Variants in OR14A2 observed in about 807,000 individuals in gnomAD.
The protein encoded by OR14A2 is olfactory receptor 14A2.
For missense variants in OR14A2, 237 were observed against 152.9 expected, an observed-to-expected ratio of 1.55 and a Z score of -2.90; for synonymous variants, 114 against 58.6, an observed-to-expected ratio of 1.95 and a Z score of -4.32.
At chr1:247,738,597 C>T in the OR14A2 span, 7 of 761,036 alleles carry the variant, frequency 9.2e-6, no homozygotes, top group African/African-American at 5.2e-5. Context: ...CTCCATAGGG[C>T]GCTTATAATT....
chr1:247,723,386 A>G (rs1360815126), exon 1 of OR14A2: 1 of 717,626 alleles, frequency 1.4e-6, no homozygotes, highest in Non-Finnish European at 2.6e-6. Context: ...ACAGTGGAGA[A>G]GATATAAATG....
chr1:247,740,299 C>T, the OR14A2 span, among the ~76,000 whole-genome samples: 1 of 152,046 alleles, frequency 6.6e-6, no homozygotes, highest in African/African-American at 2.4e-5. Context: ...TTCTTTATAG[C>T]TTCTGATTTT....
the OR14A2 span, among the ~76,000 whole-genome samples, chr1:247,729,977 CTTCA>C: frequency 6.6e-6 from 1 of 151,966 alleles, no homozygotes; most frequent in Non-Finnish European, 1.5e-5. Flanking sequence ...TGGAAACTGC[CTTCA>C]TTATCATTAT....
At chr1:247,728,429 T>C (rs994965424), upstream of OR14A2, among the ~76,000 whole-genome samples, 2 of 151,966 alleles carry the variant, frequency 1.3e-5, no homozygotes. Context: ...TATTTCAAAA[T>C]AATAAGAGCT....
chr1:247,731,072 T>C, the OR14A2 span, among the ~76,000 whole-genome samples: 1 of 152,162 alleles, frequency 6.6e-6, no homozygotes, highest in Non-Finnish European at 1.5e-5. Flanking sequence ...CTTTTTTTAG[T>C]ATTTCAGTAT....
At chr1:247,743,991 G>T in the OR14A2 span, among the ~76,000 whole-genome samples, 623 of 151,948 alleles carry the variant, frequency 4.1e-3, 3 homozygotes, top group African/African-American at 0.014. Context: ...TTTTGCACCC[G>T]GGGTAAAGTA....
the OR14A2 span, among the ~76,000 whole-genome samples, chr1:247,734,902 A>C: frequency 6.6e-6 from 1 of 152,218 alleles, no homozygotes; most frequent in African/African-American, 2.4e-5. Context: ...CATTCAAAGC[A>C]AACTAGCGAG....
At chr1:247,728,277 A>G (rs1660434111), upstream of OR14A2, among the ~76,000 whole-genome samples, 2 of 152,270 alleles carry the variant, frequency 1.3e-5, no homozygotes, top group African/African-American at 2.4e-5. Context: ...ATATACGCAA[A>G]TCAATAAATG....
chr1:247,729,071 T>C, the OR14A2 span, among the ~76,000 whole-genome samples: 1 of 152,118 alleles, frequency 6.6e-6, no homozygotes, highest in Non-Finnish European at 1.5e-5. Context: ...TTATTTCAAA[T>C]TTGACATAAT....
the OR14A2 span, among the ~76,000 whole-genome samples, chr1:247,735,191 T>G: frequency 2.0e-5 from 3 of 152,284 alleles, no homozygotes; most frequent in Admixed American, 2.0e-4. Context: ...CCTGGAGGCT[T>G]AAATCCAGAG....
At chr1:247,739,141 T>C in the OR14A2 span, 6 of 780,792 alleles carry the variant, frequency 7.7e-6, no homozygotes, top group African/African-American at 8.5e-5. Flanking sequence ...CATCAGTTCT[T>C]CTGCGATGTC....
the OR14A2 span, among the ~76,000 whole-genome samples, chr1:247,732,237 G>A: frequency 7.3e-5 from 11 of 151,664 alleles, no homozygotes; most frequent in Non-Finnish European, 1.3e-4. Context: ...CTTTTCTGGC[G>A]CCCCAGTCCA....
the OR14A2 span, among the ~76,000 whole-genome samples, chr1:247,741,075 T>A: frequency 5.3e-5 from 8 of 152,192 alleles, no homozygotes; most frequent in Non-Finnish European, 1.0e-4. Context: ...AAAATCTAGC[T>A]TAGATTTTTA....
At chr1:247,738,685 TG>T in the OR14A2 span, 829 of 780,874 alleles carry the variant, frequency 1.1e-3, 5 homozygotes, top group Middle Eastern at 0.014. Flanking sequence ...CTCCTGAGGC[TG>T]CATGCTTTGC....
chr1:247,727,708 C>G (rs899650600), upstream of OR14A2, among the ~76,000 whole-genome samples: 4 of 147,510 alleles, frequency 2.7e-5, no homozygotes, highest in Non-Finnish European at 4.5e-5. Flanking sequence ...AGAGAAGAAT[C>G]AAATAGACAC....
At chr1:247,723,692 A>G in exon 1 of OR14A2, 1 of 718,730 alleles carries the variant, frequency 1.4e-6, no homozygotes, top group Non-Finnish European at 2.6e-6. Context: ...TAGCGGTCAT[A>G]GGACATGGCA....
the OR14A2 span, among the ~76,000 whole-genome samples, chr1:247,729,155 A>G: frequency 6.6e-6 from 1 of 152,110 alleles, no homozygotes; most frequent in African/African-American, 2.4e-5. Flanking sequence ...AGAATTCCCC[A>G]AAGAAAAATG....
chr1:247,726,631 G>A (rs1413938224), upstream of OR14A2, among the ~76,000 whole-genome samples: 4 of 144,544 alleles, frequency 2.8e-5, no homozygotes, highest in Admixed American at 6.9e-5. Flanking sequence ...GAATGGTAAT[G>A]CCTAGGTTTT....
the OR14A2 span, among the ~76,000 whole-genome samples, chr1:247,747,654 G>A: frequency 2.0e-5 from 3 of 152,172 alleles, no homozygotes; most frequent in South Asian, 2.1e-4. Flanking sequence ...GAGGCACCGC[G>A]CCCGGGCCTG....
Sources: gnomAD v4.1 joint callset for allele counts (sites outside exome capture counted in the v4.1 genomes callset) on GRCh38, gnomAD v4.1.1 for gene constraint, MANE v1.5 for transcripts, NCBI Gene and HGNC (gene_info 2026-07-23, HGNC 2026-07-21) for gene names.